The following FOXM1 variants were observed in gnomAD, a reference collection of about 807,000 sequenced individuals.
The protein encoded by FOXM1 is forkhead box protein M1.
Under a neutral mutation model 63.6 loss-of-function variants are expected in FOXM1, and 25 were observed. The ratio of observed to expected loss-of-function variants is 0.39; its 90% CI spans 0.29 to 0.55. The LOEUF (loss-of-function observed/expected upper bound fraction) is 0.55. FOXM1 is among the 20% of genes least tolerant of loss of function. FOXM1 has a pLI of 0.60. For synonymous variants in FOXM1, 387 were observed against 376.9 expected, an observed-to-expected ratio of 1.03 and a Z score of -0.31; for missense variants, 879 against 958.7, an observed-to-expected ratio of 0.92 and a Z score of 1.10.
At chr12:2,871,143 C>T (rs935319758) in intron 3 of FOXM1, among the ~76,000 whole-genome samples, 6 of 151,804 alleles carry the variant, frequency 4.0e-5, no homozygotes. Flanking sequence ...CACTAAACCC[C>T]AGCGACACAC....
At chr12:2,861,197 T>C (rs1187243414) in intron 8 of FOXM1, 2 of 613,714 alleles carry the variant, frequency 3.3e-6, no homozygotes, top group Non-Finnish European at 5.7e-6. Flanking sequence ...TCTCACAAAT[T>C]GATAACAAAA....
Position 2,872,482 on chromosome 12 carries a change from G to A in FOXM1, c.503-235C>T, listed in dbSNP as rs112478868. On this transcript the variant is annotated intron_variant, in intron 2 of 8. Transcript: ENST00000359843. The surrounding 1 kb of genome is among the most constrained non-coding windows in gnomAD (Gnocchi z 4.0). ...AAATTAGCTGGGTGTGGTGGCACAC[G>A]CCTGTAGTCCCAGCTACTCAGGAGG... is the stretch of plus-strand genomic sequence containing the variant. Among the ~76,000 whole-genome samples the A allele has an allele frequency of 1.1e-4, 17 of 152,250 alleles. No homozygotes were observed. The highest frequency in any genetic ancestry group is 3.6e-4 in the African/African-American group (15 of 41,560).
At chr12:2,870,403 G>A (rs1173629312) in intron 3 of FOXM1, among the ~76,000 whole-genome samples, 1 of 152,220 alleles carries the variant, frequency 6.6e-6, no homozygotes, top group African/African-American at 2.4e-5. Context: ...GGTGGCTCAC[G>A]CCTGTAATCC....
Position 2,874,380 on chromosome 12 carries a change from C to G in FOXM1, c.99G>C (p.Lys33Asn). 6.2e-7 allele frequency: 1 copy of G among 1,614,122 alleles called. No homozygotes were observed. Among genetic ancestry groups the G allele is most frequent in the Non-Finnish European group, 8.5e-7 (1 of 1,180,032 alleles). The change falls in exon 2 of 9, where the codon AAG (lysine) becomes AAC (asparagine). Residue 33 changes from lysine to asparagine, a missense_variant. This residue lies in a region of FOXM1 where 255 missense variants were observed against 292.4 expected (regional missense o/e 0.87). Transcript: ENST00000359843. This position sits in a 1 kb window ranked among gnomAD's most constrained non-coding sequence, Gnocchi z 4.3. ...APSETSEEEP[K>N]RSPAQQESNQ... Reference sequence around the variant, plus strand: ...TAGACTCCTGTTGGGCAGGGGATCTCTTAGGTTCCTCCTCTGATGTTTCAC... The same window carrying G: ...TAGACTCCTGTTGGGCAGGGGATCTGTTAGGTTCCTCCTCTGATGTTTCAC...
Position 2,864,933 on chromosome 12 carries a change from G to T in FOXM1, c.1021-181C>A. On this transcript the variant is annotated intron_variant, in intron 6 of 8. Coordinates refer to ENST00000359843, the MANE Select transcript of FOXM1 (RefSeq NM_021953.4). The surrounding 1 kb of genome is among the most constrained non-coding windows in gnomAD (Gnocchi z 5.1). ...CAGTCTCCAAAACTGTGATGAGTGG[G>T]CAGGTGGGTGGCCTACAGACACATG... 1.5e-6 allele frequency: 1 copy of T among 655,192 alleles called. No individual in the cohort carries two copies. The allele number at this position is 655,192 out of a possible 1,614,324, so 40.6% of individuals were successfully genotyped here.
At chr12:2,863,483 G>A (rs1372492241) in intron 8 of FOXM1, among the ~76,000 whole-genome samples, 4 of 151,162 alleles carry the variant, frequency 2.6e-5, no homozygotes. Flanking sequence ...CAACCTCCTG[G>A]ACTCAAGTGA....
chr12:2,867,267 C>T (rs2098124856), intron 4 of FOXM1, among the ~76,000 whole-genome samples: 1 of 151,906 alleles, frequency 6.6e-6, no homozygotes, highest in African/African-American at 2.4e-5. Context: ...GAGTTCAGAC[C>T]AGCCTGGGCA....
intron 8 of FOXM1, chr12:2,861,417 G>T (rs1199077451): frequency 1.8e-6 from 1 of 560,874 alleles, no homozygotes; most frequent in Non-Finnish European, 3.1e-6. Flanking sequence ...AAAAACCTAT[G>T]GAAATAAAAA....
chr12:2,858,894 G>A lies in FOXM1; in HGVS notation c.2036C>T (p.Ser679Leu), dbSNP rs138730141. The A allele has an allele frequency of 4.2e-5, 68 of 1,614,032 alleles. No individual in the cohort carries two copies. In the African/African-American group the frequency reaches 8.0e-4, roughly 19 times the overall value. Residue 679 changes from serine to leucine, a missense_variant, in exon 9 of 9, where the codon TCA becomes TTA. Physicochemically the swap from Ser to Leu is moderately radical, Grantham distance 145 (BLOSUM62 -2). Transcript: ENST00000359843. ...PLESPQRLLS[S>L]EPLDLISVPF... ...GACGGAGATGAGGTCTAAGGGTTCTGAACTGAGGAGCCTTTGCGGTGATTC... is the reference window on the plus strand; with the variant it reads ...GACGGAGATGAGGTCTAAGGGTTCTAAACTGAGGAGCCTTTGCGGTGATTC...
At chr12:2,865,643 CTTTTTTTTTTT>C in intron 5 of FOXM1, among the ~76,000 whole-genome samples, 1 of 68,040 alleles carries the variant, frequency 1.5e-5, no homozygotes, top group African/African-American at 4.7e-5. Flanking sequence ...CTAAGGCAGG[CTTTTTTTTTTT>C]TTTTTTTTTT....
intron 5 of FOXM1, 48 bp from the exon 6 acceptor site, chr12:2,865,447 C>CGTTGGTGG: frequency 1.3e-6 from 2 of 1,508,676 alleles, no homozygotes; most frequent in Non-Finnish European, 1.8e-6. Context: ...GAAGTTACCA[C>CGTTGGTGG]CAACGTGGTC....
At chr12:2,862,840 C>T (rs1401050345) in intron 8 of FOXM1, among the ~76,000 whole-genome samples, 1 of 151,868 alleles carries the variant, frequency 6.6e-6, no homozygotes, top group Non-Finnish European at 1.5e-5. Context: ...CTGTGCATGG[C>T]CTAAAAGATT....
intron 4 of FOXM1, among the ~76,000 whole-genome samples, chr12:2,867,394 G>T (rs2098125120): frequency 1.3e-5 from 2 of 151,916 alleles, no homozygotes; most frequent in Non-Finnish European, 2.9e-5. Context: ...GAGCCCAGGG[G>T]GCTGAGGCTG....
chr12:2,870,835 T>C (rs1402773630), intron 3 of FOXM1, among the ~76,000 whole-genome samples: 1 of 151,782 alleles, frequency 6.6e-6, no homozygotes, highest in African/African-American at 2.4e-5. Flanking sequence ...AGCGGGCACC[T>C]GTAATCCCAG....
chr12:2,859,928 T>A lies in FOXM1; in HGVS notation c.1267-265A>T, dbSNP rs186699071. On this transcript the variant is annotated intron_variant, in intron 8 of 8. Transcript: ENST00000359843. ...TCTTACACTGTATACAAAGATTTAATGCATGAAAATAAGAACCTTAGGCTG... is the reference window on the plus strand; with the variant it reads ...TCTTACACTGTATACAAAGATTTAAAGCATGAAAATAAGAACCTTAGGCTG... 359 of 381,240 alleles carry A rather than the reference T, an allele frequency of 9.4e-4. 1 individual carries two copies. The highest frequency in any genetic ancestry group is 1.4e-3 in the Non-Finnish European group (309 of 213,348). The allele number at this position is 381,240 out of a possible 1,614,324, so 23.6% of individuals were successfully genotyped here.
At position 2,874,358 on chromosome 12, in the gene FOXM1, ACTC is replaced by A; in HGVS notation, c.118_120del (p.Glu40del). On this transcript the variant is annotated inframe_deletion, in exon 2 of 9. Transcript: ENST00000359843. The surrounding 1 kb of genome is among the most constrained non-coding windows in gnomAD (Gnocchi z 4.3). The stretch of plus-strand genomic sequence containing the variant: ...TCCTTGGAGGCCTCTGCTTGATTAG[ACTC>A]CTGTTGGGCAGGGGATCTCTTAGGT... 6.2e-7 allele frequency: 1 copy of A among 1,613,606 alleles called. No homozygotes were observed. Among genetic ancestry groups the A allele is most frequent in the South Asian group, 1.1e-5 (1 of 91,056 alleles).
intron 3 of FOXM1, among the ~76,000 whole-genome samples, chr12:2,870,957 CA>C (rs11310343): frequency 0.23 from 9,077 of 38,910 alleles, 63 homozygotes; most frequent in South Asian, 0.26. Context: ...GACTACGTCT[CA>C]AAAAAAAAAA....
At chr12:2,866,646 C>T (rs1196672903) in intron 4 of FOXM1, 125 bp from the exon 5 acceptor site, 53 of 973,252 alleles carry the variant, frequency 5.4e-5, no homozygotes. Context: ...CGTCTGGTGT[C>T]TTTGCAGCCC....
In FOXM1 at chr12:2,864,955, C is replaced by A; in HGVS notation, c.1021-203G>T. 1.6e-6 allele frequency: 1 copy of A among 622,336 alleles called. No homozygotes were observed. Among genetic ancestry groups the A allele is most frequent in the Non-Finnish European group, 2.9e-6 (1 of 346,110 alleles). 38.6% of individuals were successfully genotyped at this position (622,336 alleles called of 1,614,324 possible). A position where few individuals can be genotyped will look rare whatever the true frequency, so the allele number is the denominator to read the frequency against. Reference sequence around the variant, plus strand: ...TGGGCAGGTGGGTGGCCTACAGACACATGATGGCAGAGTGGCACTACCGCT... The same window carrying A: ...TGGGCAGGTGGGTGGCCTACAGACAAATGATGGCAGAGTGGCACTACCGCT... On this transcript the variant is annotated intron_variant, in intron 6 of 8. Coordinates refer to ENST00000359843, the MANE Select transcript of FOXM1 (RefSeq NM_021953.4). This position sits in a 1 kb window ranked among gnomAD's most constrained non-coding sequence, Gnocchi z 5.1.
Sources: allele counts gnomAD v4.1 joint callset (sites outside exome capture counted in the v4.1 genomes callset), GRCh38; gene constraint gnomAD v4.1.1; regional missense constraint gnomAD v4.1.1; non-coding constraint Gnocchi (gnomAD v3.1); transcripts MANE v1.5; gene names NCBI Gene and HGNC (gene_info 2026-07-23, HGNC 2026-07-21).